PACRG: variants seen among roughly 807,000 people sequenced by gnomAD.
The protein encoded by PACRG is parkin coregulated gene protein.
In PACRG, 29 loss-of-function variants were observed where a neutral mutation model predicts 29.7. The observed-to-expected ratio is 0.98, with a 90% CI of 0.73 to 1.33. The LOEUF (loss-of-function observed/expected upper bound fraction) is 1.33. PACRG is among the 40% of genes most tolerant of loss of function. The probability of loss-of-function intolerance (pLI) is 0.00; values close to 1 mark genes in which losing one functional copy is unlikely to be tolerated. For synonymous variants in PACRG, 116 were observed against 118.7 expected, an observed-to-expected ratio of 0.98 and a Z score of 0.15; for missense variants, 279 against 316.2, an observed-to-expected ratio of 0.88 and a Z score of 0.89.
At chr6:162,944,423 A>T (rs979306857) in intron 2 of PACRG, among the ~76,000 whole-genome samples, 1 of 152,184 alleles carries the variant, frequency 6.6e-6, no homozygotes, top group Non-Finnish European at 1.5e-5. Flanking sequence ...AAAGTGGGGA[A>T]CTATGACACC....
chr6:162,762,476 G>A (rs190402337), intron 1 of PACRG, among the ~76,000 whole-genome samples: 1 of 152,280 alleles, frequency 6.6e-6, no homozygotes, highest in Admixed American at 6.5e-5. Context: ...CTTTGGGGGT[G>A]TTAAGGAGTG....
intron 4 of PACRG, among the ~76,000 whole-genome samples, chr6:163,303,860 A>T (rs1242900246): frequency 1.3e-5 from 2 of 151,754 alleles, no homozygotes; most frequent in African/African-American, 4.8e-5. Context: ...GAAAAAAAAT[A>T]CAAAAATTAG....
At chr6:163,161,239 A>G (rs1246649888) in intron 4 of PACRG, among the ~76,000 whole-genome samples, 1 of 152,006 alleles carries the variant, frequency 6.6e-6, no homozygotes, top group Non-Finnish European at 1.5e-5. Flanking sequence ...TCATTACTCC[A>G]GAGGTTGAAT....
chr6:163,180,372 A>G (rs545470675), intron 4 of PACRG, among the ~76,000 whole-genome samples: 2 of 152,346 alleles, frequency 1.3e-5, no homozygotes, highest in East Asian at 3.9e-4. Flanking sequence ...AGTTCGAGAC[A>G]CAGCTTGTAT....
At chr6:163,256,289 AAC>A (rs974095012) in intron 4 of PACRG, among the ~76,000 whole-genome samples, 1 of 152,210 alleles carries the variant, frequency 6.6e-6, no homozygotes, top group Non-Finnish European at 1.5e-5. Flanking sequence ...TAGTTTAACA[AAC>A]ACATGCTGAG....
intron 4 of PACRG, among the ~76,000 whole-genome samples, chr6:163,121,306 CA>C: frequency 6.6e-6 from 1 of 152,296 alleles, no homozygotes; most frequent in East Asian, 1.9e-4. Flanking sequence ...ACTGTCAGTG[CA>C]ATTGCCTTAT....
chr6:162,934,110 A>G lies in PACRG; in HGVS notation c.291+119829A>G, dbSNP rs539956670. Among the ~76,000 whole-genome samples the G allele has an allele frequency of 4.6e-5, 7 of 152,216 alleles. No individual in the cohort carries two copies. In the East Asian group the frequency reaches 1.4e-3, roughly 29 times the overall value. ...GAAACCCAGTCTCTACTAAAAATAC[A>G]AAAGATAGCCAGGCATGGTGGCACA... On this transcript the variant is annotated intron_variant, in intron 2 of 4. Coordinates refer to ENST00000366888, the MANE Select transcript of PACRG (RefSeq NM_001080379.2).
At chr6:162,852,879 C>T (rs949206460) in intron 2 of PACRG, among the ~76,000 whole-genome samples, 1 of 152,164 alleles carries the variant, frequency 6.6e-6, no homozygotes, top group African/African-American at 2.4e-5. Context: ...GATAAACTGT[C>T]GGGTCTGCCT....
chr6:163,159,297 G>A (rs1778450973), intron 4 of PACRG, among the ~76,000 whole-genome samples: 1 of 147,826 alleles, frequency 6.8e-6, no homozygotes, highest in Non-Finnish European at 1.5e-5. Context: ...ATTTATATAT[G>A]TTATATAATA....
At chr6:162,994,203 T>G (rs1198661678) in intron 2 of PACRG, among the ~76,000 whole-genome samples, 3 of 134,416 alleles carry the variant, frequency 2.2e-5, no homozygotes, top group East Asian at 2.1e-4. Flanking sequence ...CTTTGGTGAA[T>G]CTGACAATTA....
intron 2 of PACRG, among the ~76,000 whole-genome samples, chr6:162,941,005 TG>T (rs1359986432): frequency 6.6e-6 from 1 of 151,726 alleles, no homozygotes; most frequent in Non-Finnish European, 1.5e-5. Context: ...CATGTGTGTT[TG>T]TGTGTGTGCG....
chr6:162,910,173 A>G (rs1796212037), intron 2 of PACRG, among the ~76,000 whole-genome samples: 1 of 152,214 alleles, frequency 6.6e-6, no homozygotes, highest in Non-Finnish European at 1.5e-5. Flanking sequence ...ACTCTGTCAT[A>G]AACATAATTA....
intron 4 of PACRG, among the ~76,000 whole-genome samples, chr6:163,177,709 G>GTTTTTTTT (rs1562951194): frequency 5.9e-5 from 2 of 33,648 alleles, no homozygotes; most frequent in Admixed American, 3.8e-4. Flanking sequence ...TTAGAAAAGG[G>GTTTTTTTT]ATTTTTTTTT....
intron 2 of PACRG, among the ~76,000 whole-genome samples, chr6:163,005,201 A>G (rs892896767): frequency 1.3e-5 from 2 of 151,702 alleles, no homozygotes; most frequent in Admixed American, 6.6e-5. Flanking sequence ...TTTTGTGATC[A>G]TTTTTGCCAG....
At chr6:162,939,807 A>C (rs1322869465) in intron 2 of PACRG, among the ~76,000 whole-genome samples, 1 of 152,154 alleles carries the variant, frequency 6.6e-6, no homozygotes, top group Non-Finnish European at 1.5e-5. Context: ...GATTTAAGCA[A>C]TATTTTAAAT....
intron 4 of PACRG, among the ~76,000 whole-genome samples, chr6:163,242,162 G>T (rs1353417348): frequency 6.6e-6 from 1 of 152,128 alleles, no homozygotes; most frequent in Non-Finnish European, 1.5e-5. Flanking sequence ...ATTAAATTAG[G>T]TTCATGCACA....
chr6:163,234,584 C>T (rs968620803), intron 4 of PACRG, among the ~76,000 whole-genome samples: 1 of 152,074 alleles, frequency 6.6e-6, no homozygotes. Flanking sequence ...TTATAGCAGC[C>T]CCAACAGACT....
intron 4 of PACRG, among the ~76,000 whole-genome samples, chr6:163,243,304 A>G (rs1331047677): frequency 2.0e-5 from 3 of 152,148 alleles, no homozygotes; most frequent in Non-Finnish European, 2.9e-5. Context: ...TTCCACGGGG[A>G]AAGGGGAGGG....
At chr6:163,216,235 G>T (rs1781358908) in intron 4 of PACRG, among the ~76,000 whole-genome samples, 1 of 152,178 alleles carries the variant, frequency 6.6e-6, no homozygotes, top group Admixed American at 6.5e-5. Context: ...GGACACCAGG[G>T]TGATGTGGAG....
Sources: allele counts gnomAD v4.1 joint callset (sites outside exome capture counted in the v4.1 genomes callset), GRCh38; gene constraint gnomAD v4.1.1; transcripts MANE v1.5; gene names NCBI Gene and HGNC (gene_info 2026-07-23, HGNC 2026-07-21).